DPH1: variants seen among roughly 807,000 people sequenced by gnomAD.
DPH1 encodes the protein diphthamide biosynthesis 1.
Under a neutral mutation model 55.3 loss-of-function variants are expected in DPH1, and 59 were observed. The ratio of observed to expected loss-of-function variants is 1.07; its 90% CI spans 0.87 to 1.33. DPH1 has a LOEUF of 1.33. Ranked by LOEUF, DPH1 falls within the 40% of genes most tolerant of loss-of-function variation. The pLI is 0.00. For missense variants in DPH1, 628 were observed against 584.8 expected, an observed-to-expected ratio of 1.07 and a Z score of -0.76; for synonymous variants, 238 against 235.5, an observed-to-expected ratio of 1.01 and a Z score of -0.10.
rs1307545991 is a variant in DPH1, at chr17:2,042,938, A to G, written c.*352A>G. ...AGGCCCTTGTCATTGCCTTCGCTCC[A>G]TGTTTTTGGGGACACTGACAAAGTC... On this transcript the variant is annotated 3_prime_UTR_variant, in exon 13 of 13. Coordinates refer to ENST00000263083, the MANE Select transcript of DPH1 (RefSeq NM_001383.6). 3.7e-6 allele frequency: 6 copies of G among 1,613,970 alleles called. No individual in the cohort carries two copies. The African/African-American group carries it at 5.3e-5, about 14-fold the overall frequency.
At chr17:2,034,401 C>G (rs901393333) in intron 3 of DPH1, among the ~76,000 whole-genome samples, 9 of 151,690 alleles carry the variant, frequency 5.9e-5, no homozygotes, top group African/African-American at 1.9e-4. Context: ...AGCACAGGAA[C>G]AGGGGAGGGG....
chr17:2,041,906 CT>C, intron 12 of DPH1, 31 bp downstream of exon 12: 1 of 1,546,032 alleles, frequency 6.5e-7, no homozygotes. Flanking sequence ...TGCGCCCCGC[CT>C]TTTGCCGTTG....
Position 2,030,181 on chromosome 17 carries a change from G to T in DPH1, c.12G>T (p.Leu4=), listed in dbSNP as rs1321979471. The T allele has an allele frequency of 6.2e-7, 1 of 1,603,064 alleles. No individual in the cohort carries two copies. The highest frequency in any genetic ancestry group is 1.1e-5 in the South Asian group (1 of 88,776). MAA[L]VVSGAAEQGG... The stretch of plus-strand genomic sequence containing the variant: ...TGCGCAGGCAGGTGATGGCGGCGCT[G>T]GTCGTATCCGGGGCAGCGGAGCAGG... The change falls in exon 1 of 13, where the codon CTG becomes CTT. Residue 4 remains leucine (L), a synonymous_variant. Coordinates refer to ENST00000263083, the MANE Select transcript of DPH1 (RefSeq NM_001383.6).
In DPH1 at chr17:2,043,025, A is replaced by C; in HGVS notation, c.*439A>C. On this transcript the variant is annotated 3_prime_UTR_variant, in exon 13 of 13. Coordinates refer to ENST00000263083, the MANE Select transcript of DPH1 (RefSeq NM_001383.6). ...TTTCCCGGAGCCATCACCCTCACCCACTCTGGTGGCCACTTCATTCCAGCA... is the reference window on the plus strand; with the variant it reads ...TTTCCCGGAGCCATCACCCTCACCCCCTCTGGTGGCCACTTCATTCCAGCA... 1 of 1,613,610 alleles carries C rather than the reference A, an allele frequency of 6.2e-7. No homozygotes were observed. Among genetic ancestry groups the C allele is most frequent in the Non-Finnish European group, 8.5e-7 (1 of 1,179,890 alleles).
At chr17:2,030,554 G>A (rs2067317185) in intron 1 of DPH1, among the ~76,000 whole-genome samples, 1 of 152,184 alleles carries the variant, frequency 6.6e-6, no homozygotes, top group African/African-American at 2.4e-5. Context: ...CATTTTACGA[G>A]TGCGCCCTCA....
chr17:2,030,125 G>C (rs1208838166), upstream of DPH1: 1 of 1,577,136 alleles, frequency 6.3e-7, no homozygotes, highest in Non-Finnish European at 8.6e-7. Context: ...CGCTCTCCGC[G>C]TTCTTCCAGC....
At chr17:2,030,806 T>C (rs551313315) in intron 1 of DPH1, among the ~76,000 whole-genome samples, 1 of 152,318 alleles carries the variant, frequency 6.6e-6, no homozygotes, top group Admixed American at 6.5e-5. Context: ...TAGGGACCTG[T>C]CAGAGGAGGA....
rs990620472 is a variant in DPH1, at chr17:2,040,529, T to C, written c.931T>C (p.Leu311=). The change falls in exon 9 of 13, where the codon TTG becomes CTG. Residue 311 remains leucine (L), a synonymous_variant. Transcript: ENST00000263083. ...LEHLESRLRA[L]GLSFVRLLLS... ...GCACCTGGAATCTCGACTCCGAGCC[T>C]TGGGCCTTTCCTTTGTGAGGCTGCT... 3 of 1,614,072 alleles carry C rather than the reference T, an allele frequency of 1.9e-6. No homozygotes were observed. Among genetic ancestry groups the C allele is most frequent in the Admixed American group, 3.3e-5 (2 of 60,002 alleles).
In DPH1 at chr17:2,036,737, C is replaced by A; in HGVS notation, c.558+51C>A. 6.2e-7 allele frequency: 1 copy of A among 1,610,800 alleles called. No individual in the cohort carries two copies. Among genetic ancestry groups the A allele is most frequent in the Non-Finnish European group, 8.5e-7 (1 of 1,177,922 alleles). On this transcript the variant is annotated intron_variant, in intron 5 of 12. Transcript: ENST00000263083. This position sits in a 1 kb window ranked among gnomAD's most constrained non-coding sequence, Gnocchi z 4.8. Reference sequence around the variant, plus strand: ...TCCTGCAGGGTGGACAGCGGCCACTCTCCAGCTGTTGCGGGATCCCCAGGT... The same window carrying A: ...TCCTGCAGGGTGGACAGCGGCCACTATCCAGCTGTTGCGGGATCCCCAGGT...
chr17:2,035,436 CCCTGCCTGTGGTGGGGAGGTAGT>C (rs2067402945), intron 3 of DPH1, among the ~76,000 whole-genome samples: 1 of 140,492 alleles, frequency 7.1e-6, no homozygotes, highest in Non-Finnish European at 1.5e-5. Flanking sequence ...GACGAGAGGG[CCCTGCCTGTGGTGGGGAGGTAGT>C]GGGGGTCCGG....
At position 2,036,117 on chromosome 17, in the gene DPH1, C is replaced by G; in HGVS notation, c.400+26C>G. On this transcript the variant is annotated intron_variant, in intron 4 of 12. Transcript: ENST00000263083. The surrounding 1 kb of genome is among the most constrained non-coding windows in gnomAD (Gnocchi z 4.8). ...GTATGGTGGGGCCAGGACACCTGGA[C>G]GGTGGCGGGGCTGGCAGGGAGGCAG... is the stretch of plus-strand genomic sequence containing the variant. 6.2e-7 allele frequency: 1 copy of G among 1,611,906 alleles called. No homozygotes were observed. Among genetic ancestry groups the G allele is most frequent in the African/African-American group, 1.3e-5 (1 of 74,998 alleles).
intron 7 of DPH1, 87 bp from the exon 8 acceptor site, chr17:2,040,131 G>A: frequency 1.3e-6 from 2 of 1,550,214 alleles, no homozygotes; most frequent in Non-Finnish European, 1.7e-6. Flanking sequence ...AAAGGTTCAG[G>A]AGCCCACGGG....
At position 2,042,657 on chromosome 17, in the gene DPH1, G is replaced by C; in HGVS notation, c.*71G>C. On this transcript the variant is annotated 3_prime_UTR_variant, in exon 13 of 13. Coordinates refer to ENST00000263083, the MANE Select transcript of DPH1 (RefSeq NM_001383.6). ...GAGGCTGGTGGTTTTCAGAGCAGGAGGCCGACGTTTTCTCCGCATTGGAAG... is the reference window on the plus strand; with the variant it reads ...GAGGCTGGTGGTTTTCAGAGCAGGACGCCGACGTTTTCTCCGCATTGGAAG... 6.6e-7 allele frequency: 1 copy of C among 1,524,624 alleles called. No homozygotes were observed. Among genetic ancestry groups the C allele is most frequent in the Non-Finnish European group, 8.8e-7 (1 of 1,139,844 alleles). The allele number at this position is 1,524,624 out of a possible 1,614,324, so 94.4% of individuals were successfully genotyped here.
rs769281060 is a variant in DPH1, at chr17:2,036,922, T to C, written c.646T>C (p.Ser216Pro). 8.7e-6 allele frequency: 14 copies of C among 1,613,558 alleles called. No homozygotes were observed. Among genetic ancestry groups the C allele is most frequent in the Admixed American group, 1.7e-5 (1 of 59,954 alleles). Residue 216 changes from serine (S) to proline (P), a missense_variant, in exon 6 of 13, where the codon TCC (serine) becomes CCC (proline). Coordinates refer to ENST00000263083, the MANE Select transcript of DPH1 (RefSeq NM_001383.6). The surrounding 1 kb of genome is among the most constrained non-coding windows in gnomAD (Gnocchi z 4.8). ...CCCTGGAGAGATCCTGGGCTGCACA[T>C]CCCCCCGACTGTCCAAAGAGGTGGA... ...LSPGEILGCT[S>P]PRLSKEVEAV...
At chr17:2,031,700 C>G (rs1356982858) in intron 1 of DPH1, among the ~76,000 whole-genome samples, 1 of 152,044 alleles carries the variant, frequency 6.6e-6, no homozygotes, top group Non-Finnish European at 1.5e-5. Flanking sequence ...ATGATTGCAC[C>G]CCTGCACTCC....
chr17:2,034,599 TC>T (rs1394065512), intron 3 of DPH1, among the ~76,000 whole-genome samples: 30 of 38,752 alleles, frequency 7.7e-4, no homozygotes, highest in African/African-American at 3.3e-3. Flanking sequence ...ACCTCTCTTC[TC>T]CCCCCTTCCC....
Position 2,042,780 on chromosome 17 carries a change from A to T in DPH1, c.*194A>T, listed in dbSNP as rs548112943. The T allele has an allele frequency of 1.2e-6, 2 of 1,611,692 alleles. No individual in the cohort carries two copies. The highest frequency in any genetic ancestry group is 2.2e-5 in the East Asian group (1 of 44,864). On this transcript the variant is annotated 3_prime_UTR_variant, in exon 13 of 13. Coordinates refer to ENST00000263083, the MANE Select transcript of DPH1 (RefSeq NM_001383.6). ...TTGACGGCCTTCTTGGTTTCAGCCA[A>T]GGGGCTGCGCTAGCAGCCCTTGTGT... is the stretch of plus-strand genomic sequence containing the variant.
Position 2,033,765 on chromosome 17 carries a change from TGCTC to T in DPH1, c.215-12_215-9del, listed in dbSNP as rs2067364057. The T allele has an allele frequency of 6.2e-7, 1 of 1,614,064 alleles. No homozygotes were observed. The highest frequency in any genetic ancestry group is 1.3e-5 in the African/African-American group (1 of 74,956). ...CCTAGCCCTCCACCTCTCATGTCTC[TGCTC>T]GTCTTGCAGTGGCCTTGCAAATGCC... On this transcript the variant is annotated splice_polypyrimidine_tract_variant and intron_variant, in intron 2 of 12. Coordinates refer to ENST00000263083, the MANE Select transcript of DPH1 (RefSeq NM_001383.6).
intron 3 of DPH1, among the ~76,000 whole-genome samples, 173 bp from the exon 4 acceptor site, chr17:2,035,797 C>T (rs776773917): frequency 3.9e-5 from 6 of 152,158 alleles, no homozygotes; most frequent in East Asian, 1.9e-4. Flanking sequence ...CTGGGGCAGG[C>T]GGCAGCTGTG....
Sources: allele counts gnomAD v4.1 joint callset (sites outside exome capture counted in the v4.1 genomes callset), GRCh38; gene constraint gnomAD v4.1.1; non-coding constraint Gnocchi (gnomAD v3.1); transcripts MANE v1.5; gene names NCBI Gene and HGNC (gene_info 2026-07-23, HGNC 2026-07-21).